FHIT: variants seen among roughly 807,000 people sequenced by gnomAD.
FHIT encodes the protein bis(5'-adenosyl)-triphosphatase.
FHIT carries 19 observed loss-of-function variants against 17.9 expected under a neutral mutation model. That is an observed-to-expected ratio of 1.06 (90% CI 0.74 to 1.56). The LOEUF (loss-of-function observed/expected upper bound fraction) is 1.56, where lower values mean the gene tolerates loss of function less well. Among genes scored for constraint, FHIT ranks in the 40% most tolerant of loss-of-function variants. The pLI is 0.00. For synonymous variants in FHIT, 81 were observed against 69.7 expected (o/e 1.16, Z -0.81); for missense variants, 248 against 189.2 (o/e 1.31, Z -1.82).
intron 4 of FHIT, among the ~76,000 whole-genome samples, chr3:60,563,847 G>A (rs1584340): frequency 0.95 from 144,700 of 152,308 alleles, 68,811 homozygotes; most frequent in East Asian, 1. Context: ...ATAAAATGTC[G>A]AGGTGAAGCA....
At chr3:60,114,463 T>C (rs1704854649) in intron 5 of FHIT, among the ~76,000 whole-genome samples, 1 of 136,920 alleles carries the variant, frequency 7.3e-6, no homozygotes, top group African/African-American at 2.7e-5. Flanking sequence ...AAATGGCCCT[T>C]AAAATAAGGA....
intron 3 of FHIT, among the ~76,000 whole-genome samples, chr3:61,009,206 G>T (rs867002567): frequency 1.3e-5 from 2 of 152,128 alleles, no homozygotes; most frequent in Non-Finnish European, 2.9e-5. Context: ...TCAAAACAAC[G>T]GCTGACACTG....
intron 3 of FHIT, among the ~76,000 whole-genome samples, chr3:60,835,402 T>C (rs1419424189): frequency 6.6e-6 from 1 of 152,200 alleles, no homozygotes; most frequent in Admixed American, 6.5e-5. Context: ...ATTTATTTCA[T>C]CAACATTATA....
chr3:61,026,849 C>T (rs1326594698), intron 3 of FHIT, among the ~76,000 whole-genome samples: 2 of 152,078 alleles, frequency 1.3e-5, no homozygotes, highest in South Asian at 2.1e-4. Flanking sequence ...CCTCACCTTC[C>T]CACATCCTAG....
At chr3:60,742,117 C>T (rs561103359) in intron 4 of FHIT, among the ~76,000 whole-genome samples, 10 of 152,014 alleles carry the variant, frequency 6.6e-5, no homozygotes, top group Non-Finnish European at 1.5e-4. Flanking sequence ...TGTAAAATAG[C>T]GGGGAAGTAG....
intron 4 of FHIT, among the ~76,000 whole-genome samples, chr3:60,703,921 C>T (rs1185847623): frequency 2.6e-5 from 4 of 151,856 alleles, no homozygotes; most frequent in African/African-American, 9.7e-5. Context: ...TAATATAATA[C>T]TGAATGTATA....
At chr3:60,209,372 G>A (rs1234000732) in intron 5 of FHIT, among the ~76,000 whole-genome samples, 5 of 152,132 alleles carry the variant, frequency 3.3e-5, no homozygotes, top group African/African-American at 1.2e-4. Context: ...ATGATGATCT[G>A]TTAGAACCCT....
chr3:60,483,623 C>A (rs1464867315), intron 5 of FHIT, among the ~76,000 whole-genome samples: 2 of 152,128 alleles, frequency 1.3e-5, no homozygotes, highest in African/African-American at 4.8e-5. Flanking sequence ...TGATAATATT[C>A]AACATCCCTT....
intron 5 of FHIT, among the ~76,000 whole-genome samples, chr3:60,522,368 C>T (rs973326370): frequency 6.6e-6 from 1 of 152,136 alleles, no homozygotes; most frequent in South Asian, 2.1e-4. Flanking sequence ...CCTCAGCCTC[C>T]CAAAGTGTTG....
intron 5 of FHIT, among the ~76,000 whole-genome samples, chr3:60,324,535 A>T (rs1175545392): frequency 6.8e-6 from 1 of 146,884 alleles, no homozygotes; most frequent in African/African-American, 2.5e-5. Context: ...CAGTGAGCCA[A>T]GATCGCCAAG....
intron 8 of FHIT, among the ~76,000 whole-genome samples, chr3:59,907,756 G>A (rs1479600855): frequency 2.6e-5 from 4 of 152,174 alleles, no homozygotes; most frequent in Non-Finnish European, 4.4e-5. Flanking sequence ...CAACACAAAT[G>A]TATTATCTTA....
intron 1 of FHIT, among the ~76,000 whole-genome samples, chr3:61,230,760 T>C (rs2040079891): frequency 6.6e-6 from 1 of 152,180 alleles, no homozygotes; most frequent in Non-Finnish European, 1.5e-5. Context: ...AATTAAAAGT[T>C]AGCAATCCTA....
chr3:60,017,164 C>G (rs772414642), intron 5 of FHIT, among the ~76,000 whole-genome samples: 1 of 152,128 alleles, frequency 6.6e-6, no homozygotes, highest in African/African-American at 2.4e-5. Context: ...CCTAGTCACT[C>G]TGTTCATAGA....
chr3:60,256,056 C>A (rs1705975552), intron 5 of FHIT, among the ~76,000 whole-genome samples: 1 of 152,082 alleles, frequency 6.6e-6, no homozygotes. Context: ...TAATGTGGCC[C>A]ACCTTTATAC....
At chr3:60,386,651 T>C (rs1022025375) in intron 5 of FHIT, among the ~76,000 whole-genome samples, 4 of 152,184 alleles carry the variant, frequency 2.6e-5, no homozygotes, top group African/African-American at 7.2e-5. Flanking sequence ...TCTTCTGTTG[T>C]ATACACTACT....
chr3:60,063,982 T>C (rs1702397868), intron 5 of FHIT, among the ~76,000 whole-genome samples: 1 of 152,194 alleles, frequency 6.6e-6, no homozygotes, highest in East Asian at 1.9e-4. Flanking sequence ...TAATATGCCA[T>C]TTAAGTAAAG....
intron 1 of FHIT, among the ~76,000 whole-genome samples, chr3:61,247,600 T>C (rs2040518503): frequency 6.6e-6 from 1 of 152,224 alleles, no homozygotes; most frequent in Non-Finnish European, 1.5e-5. Flanking sequence ...GTCACTGTGC[T>C]GACAAGACAG....
intron 5 of FHIT, among the ~76,000 whole-genome samples, chr3:60,347,689 G>GGGTTTTT (rs1553750581): frequency 1.2e-5 from 1 of 85,304 alleles, no homozygotes; most frequent in Non-Finnish European, 2.4e-5. Context: ...GGGGGGGGGG[G>GGGTTTTT]TTTGTTTTTT....
chr3:60,518,872 G>T (rs1419098724), intron 5 of FHIT, among the ~76,000 whole-genome samples: 1 of 152,134 alleles, frequency 6.6e-6, no homozygotes, highest in Admixed American at 6.5e-5. Context: ...AGCTGGGCAT[G>T]GTGGCCTGTA....
Sources: allele counts gnomAD v4.1 joint callset (sites outside exome capture counted in the v4.1 genomes callset), GRCh38; gene constraint gnomAD v4.1.1; transcripts MANE v1.5; gene names NCBI Gene and HGNC (gene_info 2026-07-23, HGNC 2026-07-21).